PLXNA4: variants seen among roughly 807,000 people sequenced by gnomAD.
PLXNA4 encodes plexin A4.
PLXNA4 carries 44 observed loss-of-function variants against 191.8 expected under a neutral mutation model. That is an observed-to-expected ratio of 0.23 (90% CI 0.18 to 0.29). The LOEUF (loss-of-function observed/expected upper bound fraction) is 0.29, where lower values mean the gene tolerates loss of function less well. Ranked by LOEUF, PLXNA4 falls within the 10% of genes least tolerant of loss-of-function variation. PLXNA4 has a pLI of 1.00. For synonymous variants in PLXNA4, 1,082 were observed against 1,009.5 expected (o/e 1.07, Z -1.36); for missense variants, 1,800 against 2,488.8 (o/e 0.72, Z 5.89).
chr7:132,503,184 G>A (rs1798325712), intron 2 of PLXNA4, among the ~76,000 whole-genome samples: 1 of 152,130 alleles, frequency 6.6e-6, no homozygotes, highest in African/African-American at 2.4e-5. Context: ...CATCACCCAG[G>A]CCATAATGAC....
At chr7:132,205,015 C>G (rs1344329559) in intron 10 of PLXNA4, among the ~76,000 whole-genome samples, 3 of 152,164 alleles carry the variant, frequency 2.0e-5, no homozygotes, top group Admixed American at 2.0e-4. Context: ...GAGGAGTTTG[C>G]AACGTACCCC....
chr7:132,246,509 G>A (rs567865879), intron 4 of PLXNA4, among the ~76,000 whole-genome samples: 7 of 152,076 alleles, frequency 4.6e-5, no homozygotes, highest in Non-Finnish European at 8.8e-5. Flanking sequence ...ACTCACAAGA[G>A]GTCAAATGGC....
chr7:132,468,019 T>C (rs1429308993), intron 3 of PLXNA4, among the ~76,000 whole-genome samples: 1 of 152,150 alleles, frequency 6.6e-6, no homozygotes, highest in Non-Finnish European at 1.5e-5. Flanking sequence ...GCTCACTGGG[T>C]GGTTCCTTGG....
intron 3 of PLXNA4, among the ~76,000 whole-genome samples, chr7:132,465,484 G>T (rs1223022553): frequency 6.6e-6 from 1 of 152,198 alleles, no homozygotes; most frequent in Non-Finnish European, 1.5e-5. Flanking sequence ...ACCTTACCTT[G>T]GTCCTTGGAT....
intron 4 of PLXNA4, among the ~76,000 whole-genome samples, chr7:132,260,032 G>A (rs1013396348): frequency 1.3e-5 from 2 of 152,090 alleles, no homozygotes; most frequent in South Asian, 2.1e-4. Context: ...GGTTGTGGAG[G>A]AAAAAGGACA....
In PLXNA4 at chr7:132,481,715, G is replaced by T. The variant is rs547673177; in HGVS notation, c.1371+7577C>A. Among the ~76,000 whole-genome samples the T allele has an allele frequency of 3.0e-4, 45 of 152,308 alleles. No individual in the cohort carries two copies. The South Asian group carries it at 4.2e-3, about 14-fold the overall frequency. On this transcript the variant is annotated intron_variant, in intron 3 of 31. Transcript: ENST00000321063. ...CTCCCCACAGAGGCCAAAGGCAGAA[G>T]ATATGGATTCTCCATGGCCACACAG...
At chr7:132,455,879 C>T (rs1008804552) in intron 3 of PLXNA4, among the ~76,000 whole-genome samples, 13 of 152,120 alleles carry the variant, frequency 8.5e-5, no homozygotes, top group African/African-American at 3.1e-4. Flanking sequence ...AACCCCTCTG[C>T]CCACCTCTGG....
At chr7:132,405,709 T>C (rs142792427) in intron 3 of PLXNA4, among the ~76,000 whole-genome samples, 2 of 152,298 alleles carry the variant, frequency 1.3e-5, no homozygotes, top group Middle Eastern at 3.4e-3. Flanking sequence ...CACATACCCA[T>C]GTGGCACAAA....
chr7:132,507,361 G>T lies in PLXNA4; in HGVS notation c.1188+145C>A, dbSNP rs925024578. On this transcript the variant is annotated intron_variant, in intron 2 of 31. Coordinates refer to ENST00000321063, the MANE Select transcript of PLXNA4 (RefSeq NM_020911.2). ...TGCAGAATATTTGGTGACACTCTGG[G>T]TCCAATGAGACTCAGAGATGGGATG... is the stretch of plus-strand genomic sequence containing the variant. The T allele has an allele frequency of 1.2e-5, 11 of 893,328 alleles. No individual in the cohort carries two copies. The African/African-American group carries it at 1.7e-4, about 14-fold the overall frequency. The allele number at this position is 893,328 out of a possible 1,614,324, so 55.3% of individuals were successfully genotyped here.
chr7:132,181,963 T>C (rs772545615), intron 17 of PLXNA4, 134 bp downstream of exon 17: 43 of 1,421,550 alleles, frequency 3.0e-5, no homozygotes, highest in Middle Eastern at 2.2e-4. Context: ...TATCCTAGTA[T>C]TCAAGGGTGT....
intron 9 of PLXNA4, among the ~76,000 whole-genome samples, chr7:132,222,183 C>T (rs34807915): frequency 0.1 from 15,226 of 152,222 alleles, 1,066 homozygotes; most frequent in Non-Finnish European, 0.15. Context: ...GCTTACTGTC[C>T]ACCTGTAGAA....
At position 132,395,219 on chromosome 7, in the gene PLXNA4, C is replaced by A. The variant is rs1012469839; in HGVS notation, c.1371+94073G>T. ...GAAGTCACAGCCTGCCCTCCAGGCT[C>A]CTAGAAATCACTGGTTTGAGGCTGT... On this transcript the variant is annotated intron_variant, in intron 3 of 31. Transcript: ENST00000321063. Among the ~76,000 whole-genome samples the A allele has an allele frequency of 6.6e-5, 10 of 152,110 alleles. No homozygotes were observed. In the South Asian group the frequency reaches 1.0e-3, roughly 16 times the overall value.
intron 2 of PLXNA4, among the ~76,000 whole-genome samples, chr7:132,603,201 T>C (rs1034732610): frequency 2.0e-5 from 3 of 152,128 alleles, no homozygotes; most frequent in African/African-American, 7.2e-5. Flanking sequence ...GTTGTTTAAA[T>C]GTCTCCAAGA....
Position 132,371,550 on chromosome 7 carries a change from G to A in PLXNA4, c.1372-73328C>T, listed in dbSNP as rs566018034. Among the ~76,000 whole-genome samples the A allele has an allele frequency of 6.6e-5, 10 of 152,250 alleles. No individual in the cohort carries two copies. The East Asian group carries it at 1.4e-3, about 21-fold the overall frequency. On this transcript the variant is annotated intron_variant, in intron 3 of 31. Transcript: ENST00000321063. ...GATAGAAAATTAATCCTCCCCCTAG[G>A]AGTTCATAAAACTGGGGCACCGAGG...
intron 2 of PLXNA4, among the ~76,000 whole-genome samples, chr7:132,601,134 TC>T (rs1458755341): frequency 2.6e-5 from 4 of 152,206 alleles, no homozygotes; most frequent in Non-Finnish European, 5.9e-5. Context: ...ATCTTCATAG[TC>T]CTCAAAATAC....
At chr7:132,556,268 G>A (rs901097495) in intron 1 of PLXNA4, among the ~76,000 whole-genome samples, 9 of 152,292 alleles carry the variant, frequency 5.9e-5, no homozygotes, top group Middle Eastern at 3.4e-3. Context: ...CATGCCCCTC[G>A]TGCCCTCTGG....
At chr7:132,643,101 G>A (rs1803781769) in intron 2 of PLXNA4, among the ~76,000 whole-genome samples, 1 of 152,128 alleles carries the variant, frequency 6.6e-6, no homozygotes, top group Non-Finnish European at 1.5e-5. Flanking sequence ...AGGAGGAGGA[G>A]GGGGAAGAAG....
At chr7:132,250,638 TA>T (rs1799215044) in intron 4 of PLXNA4, among the ~76,000 whole-genome samples, 1 of 152,172 alleles carries the variant, frequency 6.6e-6, no homozygotes, top group Admixed American at 6.5e-5. Flanking sequence ...AGGCAGATCC[TA>T]TGCATTTGAC....
intron 3 of PLXNA4, among the ~76,000 whole-genome samples, chr7:132,423,553 G>C (rs1247398853): frequency 6.6e-6 from 1 of 152,142 alleles, no homozygotes; most frequent in East Asian, 1.9e-4. Flanking sequence ...TGCCCATCCA[G>C]CTTTTCTAGA....
Sources: gnomAD v4.1 joint callset for allele counts (sites outside exome capture counted in the v4.1 genomes callset) on GRCh38, gnomAD v4.1.1 for gene constraint, MANE v1.5 for transcripts, NCBI Gene and HGNC (gene_info 2026-07-23, HGNC 2026-07-21) for gene names.